The following TFEB variants were observed in gnomAD, a reference collection of about 807,000 sequenced individuals.
TFEB encodes the protein T-cell transcription factor EB.
A neutral mutation model predicts 48.0 loss-of-function variants in TFEB; 12 were observed. The observed-to-expected ratio is 0.25, with a 90% CI of 0.16 to 0.40. The LOEUF (loss-of-function observed/expected upper bound fraction) is 0.40. Among genes scored for constraint, TFEB ranks in the 10% least tolerant of loss-of-function variants. The probability of loss-of-function intolerance (pLI) is 1.00; values close to 1 mark genes in which losing one functional copy is unlikely to be tolerated. For synonymous variants in TFEB, 244 were observed against 261.4 expected (o/e 0.93, Z 0.64); for missense variants, 509 against 640.3 (o/e 0.79, Z 2.21).
intron 1 of TFEB, chr6:41,735,009 C>A (rs1771618733): frequency 2.0e-6 from 2 of 985,478 alleles, no homozygotes; most frequent in East Asian, 2.3e-4. Context: ...ATCACGCCTC[C>A]CGCCCCTTCG....
At position 41,691,215 on chromosome 6, in the gene TFEB, G is replaced by A. The variant is rs1480927713; in HGVS notation, c.-2C>T. ...GCGCAACCCTATGCGTGACGCCATG[G>A]TGGCTGCCGGCGCTGGCTCCCTGTG... On this transcript the variant is annotated 5_prime_UTR_variant, in exon 2 of 9. Coordinates refer to ENST00000373033, the MANE Select transcript of TFEB (RefSeq NM_001271944.2). The surrounding 1 kb of genome is among the most constrained non-coding windows in gnomAD (Gnocchi z 5.2). The A allele has an allele frequency of 6.3e-7, 1 of 1,576,702 alleles. No homozygotes were observed. The highest frequency in any genetic ancestry group is 8.6e-7 in the Non-Finnish European group (1 of 1,158,006).
chr6:41,705,124 G>T (rs1581905928), intron 1 of TFEB, among the ~76,000 whole-genome samples: 1 of 152,290 alleles, frequency 6.6e-6, no homozygotes, highest in Non-Finnish European at 1.5e-5. Context: ...CCTGCCCAAA[G>T]AGCAGCTCCA....
chr6:41,702,708 C>G (rs1009294507), intron 1 of TFEB, among the ~76,000 whole-genome samples: 18 of 152,164 alleles, frequency 1.2e-4, no homozygotes, highest in Non-Finnish European at 7.3e-5. Context: ...GACTTGGGGC[C>G]CACAAGCTCT....
chr6:41,689,656 T>C (rs1769190167), intron 4 of TFEB, 75 bp downstream of exon 4: 2 of 1,210,234 alleles, frequency 1.7e-6, no homozygotes, highest in Non-Finnish European at 2.4e-6. Flanking sequence ...CTCCACTCTC[T>C]CCAGGCTCAG....
chr6:41,736,000 G>C, upstream of TFEB: 2 of 987,456 alleles, frequency 2.0e-6, no homozygotes, highest in Non-Finnish European at 1.6e-6. Context: ...TTCAGGAGTA[G>C]GGTGCAGGAC....
chr6:41,685,264 C>T (rs976771348), intron 8 of TFEB, among the ~76,000 whole-genome samples, 186 bp from the exon 9 acceptor site: 1 of 152,166 alleles, frequency 6.6e-6, no homozygotes, highest in African/African-American at 2.4e-5. Context: ...GACTACAAGT[C>T]GTAACTCATT....
At chr6:41,726,859 C>A (rs541497478) in intron 1 of TFEB, among the ~76,000 whole-genome samples, 36 of 152,312 alleles carry the variant, frequency 2.4e-4, no homozygotes, top group African/African-American at 8.4e-4. Context: ...TAAATAGATA[C>A]AGTATTTTCT....
In TFEB at chr6:41,685,214, A is replaced by G. The variant is rs536464182; in HGVS notation, c.952-136T>C. ...ACCCAAAGTGTTTCCGCTGGAAGAA[A>G]GCATAGGGTAGCTCTAGAGTCTAGA... On this transcript the variant is annotated intron_variant, in intron 8 of 8. Coordinates refer to ENST00000373033, the MANE Select transcript of TFEB (RefSeq NM_001271944.2). 8.7e-5 allele frequency: 101 copies of G among 1,155,542 alleles called. No homozygotes were observed. The African/African-American group carries it at 1.5e-3, about 17-fold the overall frequency. 71.6% of individuals were successfully genotyped at this position (1,155,542 alleles called of 1,614,324 possible). A position where few individuals can be genotyped will look rare whatever the true frequency, so the allele number is the denominator to read the frequency against.
intron 7 of TFEB, chr6:41,686,467 C>T: frequency 2.6e-6 from 1 of 389,464 alleles, no homozygotes. Flanking sequence ...TCAGAGCAGC[C>T]TCCTTCCCAG....
intron 1 of TFEB, among the ~76,000 whole-genome samples, chr6:41,702,405 A>C (rs1769981893): frequency 6.6e-6 from 1 of 152,186 alleles, no homozygotes; most frequent in Non-Finnish European, 1.5e-5. Flanking sequence ...GAGATCTGGC[A>C]CCAGACCATA....
At chr6:41,721,100 A>G (rs367718784) in intron 1 of TFEB, among the ~76,000 whole-genome samples, 1 of 151,096 alleles carries the variant, frequency 6.6e-6, no homozygotes, top group South Asian at 2.1e-4. Context: ...CAGGGTCATC[A>G]CCCAGGAATC....
At chr6:41,686,703 A>C in intron 7 of TFEB, 1 of 258,292 alleles carries the variant, frequency 3.9e-6, no homozygotes, top group East Asian at 8.6e-5. Context: ...TTTAGTAGAG[A>C]TGGGGTTTCG....
Position 41,684,949 on chromosome 6 carries a change from T to A in TFEB, c.1081A>T (p.Met361Leu), listed in dbSNP as rs1366588408. 1.3e-6 allele frequency: 2 copies of A among 1,585,968 alleles called. No individual in the cohort carries two copies. The highest frequency in any genetic ancestry group is 1.7e-6 in the Non-Finnish European group (2 of 1,166,342). The change falls in exon 9 of 9, where the codon ATG becomes TTG. Residue 361 changes from methionine (M) to leucine (L), a missense_variant. This residue lies in a region of TFEB where 168 missense variants were observed against 161.0 expected (regional missense o/e 1.04). Transcript: ENST00000373033. ...GGGTCAGGGACCTCAGCCCCCAGCA[T>A]CAGGGCCTCCCCTGGGCCCTCTTCG... Reference protein sequence around the residue: ...PSEEGPGEALMLGAEVPDPEP... With the variant: ...PSEEGPGEALLLGAEVPDPEP...
chr6:41,695,410 T>C (rs746153458), intron 1 of TFEB, among the ~76,000 whole-genome samples: 2 of 152,256 alleles, frequency 1.3e-5, no homozygotes, highest in Non-Finnish European at 2.9e-5. Context: ...GCTTCGTGAA[T>C]GATTGCCATG....
At chr6:41,705,107 T>TTGCC (rs1770140692) in intron 1 of TFEB, among the ~76,000 whole-genome samples, 1 of 152,182 alleles carries the variant, frequency 6.6e-6, no homozygotes, top group East Asian at 1.9e-4. Context: ...GCACCAGGAC[T>TTGCC]TGCCTGCCTG....
At chr6:41,693,102 G>T (rs1216067500) in intron 1 of TFEB, among the ~76,000 whole-genome samples, 1 of 152,188 alleles carries the variant, frequency 6.6e-6, no homozygotes, top group Non-Finnish European at 1.5e-5. Context: ...GAACTGATCA[G>T]TGTGGACCAG....
intron 1 of TFEB, among the ~76,000 whole-genome samples, chr6:41,725,090 G>A (rs1319120260): frequency 6.6e-6 from 1 of 152,206 alleles, no homozygotes; most frequent in African/African-American, 2.4e-5. Context: ...CAGATTCCAA[G>A]GAGGCTGAGG....
rs891098246 is a variant in TFEB, at chr6:41,735,131, G to A, written c.-23+219C>T. Reference sequence around the variant, plus strand: ...CGCGCCTGAAGGGAGGGGCCGAGGGGGCTCCCGGCTCGGCGGGCAGCGCCG... The same window carrying A: ...CGCGCCTGAAGGGAGGGGCCGAGGGAGCTCCCGGCTCGGCGGGCAGCGCCG... On this transcript the variant is annotated intron_variant, in intron 1 of 8. Transcript: ENST00000373033. 1.2e-5 allele frequency: 12 copies of A among 962,584 alleles called. 1 individual carries two copies. The Admixed American group carries it at 6.8e-4, about 54-fold the overall frequency. The allele number at this position is 962,584 out of a possible 1,614,324, so 59.6% of individuals were successfully genotyped here. A position where few individuals can be genotyped will look rare whatever the true frequency, so the allele number is the denominator to read the frequency against.
At chr6:41,692,936 C>A (rs551793180) in intron 1 of TFEB, among the ~76,000 whole-genome samples, 27 of 152,346 alleles carry the variant, frequency 1.8e-4, no homozygotes, top group African/African-American at 5.8e-4. Context: ...TGACCTTGGG[C>A]AAGTCACTTA....
Sources: gnomAD v4.1 joint callset for allele counts (sites outside exome capture counted in the v4.1 genomes callset) on GRCh38, gnomAD v4.1.1 for gene constraint, gnomAD v4.1.1 regional missense constraint, Gnocchi (gnomAD v3.1) non-coding constraint, MANE v1.5 for transcripts, NCBI Gene and HGNC (gene_info 2026-07-23, HGNC 2026-07-21) for gene names.